The following DTNA variants were observed in gnomAD, a reference collection of about 807,000 sequenced individuals.
The protein encoded by DTNA is dystrobrevin alpha.
Under a neutral mutation model 100.7 loss-of-function variants are expected in DTNA, and 43 were observed. The observed-to-expected ratio is 0.43, with a 90% confidence interval of 0.33 to 0.55. The LOEUF is 0.55. Ranked by LOEUF, DTNA falls within the 20% of genes least tolerant of loss-of-function variation. The pLI, the probability that DTNA is intolerant of heterozygous loss-of-function variation, is 0.04. For synonymous variants in DTNA, 349 were observed against 347.9 expected, an observed-to-expected ratio of 1.00 and a Z score of -0.04; for missense variants, 798 against 953.9, an observed-to-expected ratio of 0.84 and a Z score of 2.15.
intron 1 of DTNA, among the ~76,000 whole-genome samples, chr18:34,657,246 G>A (rs750918214): frequency 2.0e-5 from 3 of 152,156 alleles, no homozygotes; most frequent in Non-Finnish European, 4.4e-5. Flanking sequence ...ATCAGATAAT[G>A]TAAGGTTGTC....
At chr18:34,592,590 C>T (rs2049863198) in intron 1 of DTNA, among the ~76,000 whole-genome samples, 1 of 151,698 alleles carries the variant, frequency 6.6e-6, no homozygotes, top group East Asian at 1.9e-4. Flanking sequence ...GTTTTTTGCA[C>T]TCTCTCCTGT....
chr18:34,789,853 C>T (rs2094640333), intron 3 of DTNA, among the ~76,000 whole-genome samples: 1 of 152,062 alleles, frequency 6.6e-6, no homozygotes, highest in Non-Finnish European at 1.5e-5. Flanking sequence ...TAATAATAAA[C>T]AACTATTGTC....
At chr18:34,830,705 A>G (rs2095988026) in intron 11 of DTNA, among the ~76,000 whole-genome samples, 2 of 152,238 alleles carry the variant, frequency 1.3e-5, no homozygotes. Flanking sequence ...GCACGTGTGC[A>G]CATGTGTACA....
At chr18:34,669,724 T>C (rs1161069926) in intron 1 of DTNA, among the ~76,000 whole-genome samples, 1 of 152,172 alleles carries the variant, frequency 6.6e-6, no homozygotes, top group Non-Finnish European at 1.5e-5. Context: ...GGGTCGAAAA[T>C]TCTTTTCTTT....
intron 1 of DTNA, among the ~76,000 whole-genome samples, chr18:34,690,430 C>G (rs1251487984): frequency 1.3e-5 from 2 of 152,172 alleles, no homozygotes; most frequent in Non-Finnish European, 1.5e-5. Context: ...GGCAATGCCC[C>G]ACCCTGCTTC....
At chr18:34,827,765 G>C in intron 10 of DTNA, 89 bp downstream of exon 10, 2 of 1,307,190 alleles carry the variant, frequency 1.5e-6, no homozygotes, top group Non-Finnish European at 2.2e-6. Context: ...TGCAAGCCAA[G>C]GGCAGAATAT....
intron 1 of DTNA, among the ~76,000 whole-genome samples, chr18:34,628,961 A>G (rs1017494249): frequency 2.0e-5 from 3 of 152,178 alleles, no homozygotes; most frequent in Non-Finnish European, 4.4e-5. Context: ...TCCTCCCCAT[A>G]AATGATATTA....
chr18:34,865,474 A>G (rs1415455348), intron 17 of DTNA, among the ~76,000 whole-genome samples: 1 of 152,056 alleles, frequency 6.6e-6, no homozygotes. Flanking sequence ...TGTCCTCTTT[A>G]ACAATTGGTA....
At chr18:34,719,121 A>G (rs980543597) in intron 1 of DTNA, among the ~76,000 whole-genome samples, 7 of 152,022 alleles carry the variant, frequency 4.6e-5, no homozygotes, top group African/African-American at 1.7e-4. Context: ...TGAGGTCAGG[A>G]GTTCAAGACC....
At chr18:34,850,195 T>C (rs1397865984) in intron 14 of DTNA, among the ~76,000 whole-genome samples, 2 of 152,214 alleles carry the variant, frequency 1.3e-5, no homozygotes, top group African/African-American at 4.8e-5. Context: ...AGAACGGTCA[T>C]TTAGTAAATG....
Position 34,875,337 on chromosome 18 carries a change from G to T in DTNA, c.1842G>T (p.Thr614=), listed in dbSNP as rs752169840. 6.2e-7 allele frequency: 1 copy of T among 1,614,168 alleles called. No individual in the cohort carries two copies. ...IRSASACSTP[T]HTPQDSLTGV... ...CAGCGTCAGCCTGCTCCACCCCGAC[G>T]CACACGCCGCAGGACTCCCTCACAG... Residue 614 remains threonine (T), a synonymous_variant, in exon 18 of 23, where the codon ACG becomes ACT. Coordinates refer to ENST00000444659, the MANE Select transcript of DTNA (RefSeq NM_001386795.1).
intron 1 of DTNA, among the ~76,000 whole-genome samples, chr18:34,658,804 T>G (rs995927719): frequency 3.9e-5 from 6 of 152,206 alleles, no homozygotes; most frequent in Admixed American, 3.9e-4. Context: ...ACAGTGCTCA[T>G]TTTGTTCTTT....
At chr18:34,598,730 G>C (rs1387137165) in intron 1 of DTNA, among the ~76,000 whole-genome samples, 3 of 152,114 alleles carry the variant, frequency 2.0e-5, no homozygotes, top group Non-Finnish European at 2.9e-5. Context: ...GCCAGGTGTG[G>C]TGGTGGGCAC....
chr18:34,666,990 T>C (rs1328972485), intron 1 of DTNA, among the ~76,000 whole-genome samples: 5 of 152,218 alleles, frequency 3.3e-5, no homozygotes, highest in Non-Finnish European at 7.3e-5. Context: ...GGGGATGGCA[T>C]TGAATCTATA....
chr18:34,687,150 G>A (rs2079019448), intron 1 of DTNA, among the ~76,000 whole-genome samples: 2 of 151,998 alleles, frequency 1.3e-5, no homozygotes, highest in African/African-American at 4.8e-5. Context: ...CTTCAGTTCT[G>A]TTCTGATCTT....
intron 1 of DTNA, among the ~76,000 whole-genome samples, chr18:34,547,758 A>G (rs923130761): frequency 2.0e-5 from 3 of 152,184 alleles, no homozygotes; most frequent in African/African-American, 7.2e-5. Flanking sequence ...CTAAAAAGAC[A>G]TACGACTGAG....
intron 1 of DTNA, among the ~76,000 whole-genome samples, chr18:34,564,552 G>A (rs899011327): frequency 3.9e-5 from 6 of 152,164 alleles, no homozygotes; most frequent in Admixed American, 1.3e-4. Flanking sequence ...TAAATACAAA[G>A]CCCTTTTCAT....
intron 11 of DTNA, among the ~76,000 whole-genome samples, chr18:34,833,828 C>T (rs577602592): frequency 3.0e-4 from 46 of 152,238 alleles, no homozygotes; most frequent in African/African-American, 1.0e-3. Flanking sequence ...TTCTCAGTTT[C>T]GGAGCTTAAA....
At chr18:34,515,551 G>C (rs1456225642) in intron 1 of DTNA, among the ~76,000 whole-genome samples, 1 of 151,922 alleles carries the variant, frequency 6.6e-6, no homozygotes, top group Non-Finnish European at 1.5e-5. Context: ...TTGTATTGTG[G>C]GGCATCCTGA....
Sources: allele counts gnomAD v4.1 joint callset (sites outside exome capture counted in the v4.1 genomes callset), GRCh38; gene constraint gnomAD v4.1.1; transcripts MANE v1.5; gene names NCBI Gene and HGNC (gene_info 2026-07-23, HGNC 2026-07-21).